The following GUCD1 variants were observed in gnomAD, a reference collection of about 807,000 sequenced individuals.
GUCD1 encodes guanylyl cyclase domain containing 1.
A neutral mutation model predicts 28.3 loss-of-function variants in GUCD1; 17 were observed. The observed-to-expected ratio is 0.60, with a 90% CI of 0.41 to 0.90. The LOEUF is 0.90. Ranked by LOEUF, GUCD1 falls within the 40% of genes least tolerant of loss-of-function variation. The pLI, the probability that GUCD1 is intolerant of heterozygous loss-of-function variation, is 0.00. For missense variants in GUCD1, 279 were observed against 305.5 expected (o/e 0.91, Z 0.65); for synonymous variants, 129 against 123.3 (o/e 1.05, Z -0.30).
At position 24,555,007 on chromosome 22, in the gene GUCD1, G is replaced by A. The variant is rs1036647431; in HGVS notation, c.-16C>T. The stretch of plus-strand genomic sequence containing the variant: ...CCGTCCTCATGACCCGGGCGGCGCG[G>A]GGCGCCCATGGCCCCGGCCCAGAGC... On this transcript the variant is annotated 5_prime_UTR_variant, in exon 1 of 6. Coordinates refer to ENST00000435822, the MANE Select transcript of GUCD1 (RefSeq NM_001284254.2). The A allele has an allele frequency of 6.7e-7, 1 of 1,500,980 alleles. No individual in the cohort carries two copies. The highest frequency in any genetic ancestry group is 1.5e-5 in the African/African-American group (1 of 68,172). 93.0% of individuals were successfully genotyped at this position (1,500,980 alleles called of 1,614,324 possible).
At chr22:24,554,161 G>C (rs1220258664) in intron 1 of GUCD1, among the ~76,000 whole-genome samples, 2 of 152,238 alleles carry the variant, frequency 1.3e-5, no homozygotes, top group Non-Finnish European at 2.9e-5. Context: ...CGCAGCGCGC[G>C]CCTGCCTCAT....
chr22:24,554,504 G>C (rs552768239), intron 1 of GUCD1, among the ~76,000 whole-genome samples: 1 of 152,358 alleles, frequency 6.6e-6, no homozygotes, highest in South Asian at 2.1e-4. Flanking sequence ...CCAAGACATT[G>C]AATACCAGTC....
chr22:24,546,832 A>T (rs775883218), intron 4 of GUCD1, 82 bp downstream of exon 4: 5 of 1,261,836 alleles, frequency 4.0e-6, no homozygotes, highest in Non-Finnish European at 4.6e-6. Flanking sequence ...TTTCCTGAAC[A>T]CCATCCCGAG....
chr22:24,548,811 A>G (rs1390714741), intron 2 of GUCD1, 106 bp downstream of exon 2: 4 of 834,524 alleles, frequency 4.8e-6, no homozygotes, highest in African/African-American at 3.4e-5. Context: ...GCAAGCCCCA[A>G]CCAAAGATAG....
At chr22:24,552,000 AT>A (rs1043209279) in intron 1 of GUCD1, among the ~76,000 whole-genome samples, 2 of 152,014 alleles carry the variant, frequency 1.3e-5, no homozygotes, top group Non-Finnish European at 2.9e-5. Context: ...AGCATAGGCC[AT>A]TTTTTTTGCC....
chr22:24,554,214 C>G (rs924957897), intron 1 of GUCD1, among the ~76,000 whole-genome samples: 1 of 152,202 alleles, frequency 6.6e-6, no homozygotes, highest in Non-Finnish European at 1.5e-5. Flanking sequence ...CTCTGAGGCT[C>G]AGGAAAGGCA....
In GUCD1 at chr22:24,548,352, TC is replaced by T. The variant is rs2044784039; in HGVS notation, c.129-280del. ...ATTGTCTTCTCTGGCCTCTTTAGCTTCATCTCTAAAATAAGGTCCCTGATCA... is the reference window on the plus strand; with the variant it reads ...ATTGTCTTCTCTGGCCTCTTTAGCTTATCTCTAAAATAAGGTCCCTGATCA... On this transcript the variant is annotated intron_variant, in intron 2 of 5. Coordinates refer to ENST00000435822, the MANE Select transcript of GUCD1 (RefSeq NM_001284254.2). 2.0e-5 allele frequency among the ~76,000 whole-genome samples: 3 copies of T among 152,234 alleles called. No individual in the cohort carries two copies. In the South Asian group the frequency reaches 6.2e-4, roughly 32 times the overall value.
chr22:24,544,568 T>C (rs759353496), intron 4 of GUCD1, among the ~76,000 whole-genome samples: 10 of 152,222 alleles, frequency 6.6e-5, no homozygotes, highest in Non-Finnish European at 1.3e-4. Context: ...CTAAGGCTCC[T>C]GGTGGCAGAA....
intron 4 of GUCD1, among the ~76,000 whole-genome samples, chr22:24,545,447 C>G (rs1416283932): frequency 1.3e-5 from 2 of 151,952 alleles, no homozygotes; most frequent in Non-Finnish European, 2.9e-5. Flanking sequence ...TTGGGTGTCT[C>G]TCTCCTCCTC....
chr22:24,552,407 G>T (rs2044900292), intron 1 of GUCD1, among the ~76,000 whole-genome samples: 1 of 152,200 alleles, frequency 6.6e-6, no homozygotes, highest in African/African-American at 2.4e-5. Context: ...TGCTGATCTT[G>T]TTCACTGTTA....
intron 3 of GUCD1, chr22:24,547,401 C>T (rs73152509): frequency 0.057 from 11,731 of 207,460 alleles, 486 homozygotes; most frequent in Non-Finnish European, 0.078. Flanking sequence ...GTGTCGTCCA[C>T]GGAACACACT....
chr22:24,554,336 G>A (rs2044969817), intron 1 of GUCD1, among the ~76,000 whole-genome samples: 1 of 152,224 alleles, frequency 6.6e-6, no homozygotes, highest in African/African-American at 2.4e-5. Flanking sequence ...AGTGACACCT[G>A]AAGGTCAGGG....
Position 24,548,011 on chromosome 22 carries a change from C to T in GUCD1, c.191G>A (p.Arg64Lys), listed in dbSNP as rs186614908. The T allele has an allele frequency of 9.9e-6, 16 of 1,614,168 alleles. No homozygotes were observed. The highest frequency in any genetic ancestry group is 1.6e-4 in the Middle Eastern group (1 of 6,062). ...ERALQKLQLT[R>K]SIWTIDLAYL... ...GGCCAGGTCGATGGTCCAGATGCTC[C>T]TGGTCAGCTGCAGCTTCTGCAGGGC... The change falls in exon 3 of 6, where the codon AGG (arginine) becomes AAG (lysine). Residue 64 changes from arginine to lysine, a missense_variant. Coordinates refer to ENST00000435822, the MANE Select transcript of GUCD1 (RefSeq NM_001284254.2).
intron 3 of GUCD1, chr22:24,547,312 G>C (rs1424728429): frequency 5.7e-6 from 2 of 353,096 alleles, no homozygotes; most frequent in African/African-American, 4.1e-5. Context: ...GCAGGCATGA[G>C]CAGGAGCCCG....
chr22:24,547,802 C>T, intron 3 of GUCD1, 106 bp downstream of exon 3: 2 of 1,192,640 alleles, frequency 1.7e-6, no homozygotes, highest in Non-Finnish European at 2.4e-6. Flanking sequence ...TGGGTATCTA[C>T]CTGGGTGTCT....
chr22:24,545,973 G>A (rs1034799698), intron 4 of GUCD1, among the ~76,000 whole-genome samples: 18 of 149,322 alleles, frequency 1.2e-4, no homozygotes, highest in Admixed American at 1.3e-4. Flanking sequence ...TTCCTTGAGG[G>A]CAGATTCAGA....
intron 1 of GUCD1, among the ~76,000 whole-genome samples, chr22:24,551,456 C>T (rs998827910): frequency 7.9e-5 from 12 of 152,206 alleles, no homozygotes; most frequent in African/African-American, 2.9e-4. Flanking sequence ...GGTTCTCATC[C>T]CTTACCGGGG....
chr22:24,542,998 T>C lies in GUCD1; in HGVS notation c.*8A>G. 4 of 1,606,110 alleles carry C rather than the reference T, an allele frequency of 2.5e-6. No individual in the cohort carries two copies. The highest frequency in any genetic ancestry group is 2.6e-6 in the Non-Finnish European group (3 of 1,172,842). On this transcript the variant is annotated 3_prime_UTR_variant, in exon 6 of 6. Transcript: ENST00000435822. The stretch of plus-strand genomic sequence containing the variant: ...GTCCGAGGGCCTAGGCGCACCAGGC[T>C]CCTGCTGTCAGCTGTCCAAGTAGAC...
At chr22:24,551,393 A>C (rs1203601771) in intron 1 of GUCD1, among the ~76,000 whole-genome samples, 1 of 152,078 alleles carries the variant, frequency 6.6e-6, no homozygotes, top group Non-Finnish European at 1.5e-5. Flanking sequence ...TCCCACCTCT[A>C]CATACAGCAG....
Sources: allele counts gnomAD v4.1 joint callset (sites outside exome capture counted in the v4.1 genomes callset), GRCh38; gene constraint gnomAD v4.1.1; transcripts MANE v1.5; gene names NCBI Gene and HGNC (gene_info 2026-07-23, HGNC 2026-07-21).